Variants in NPAS3 observed in about 807,000 individuals in gnomAD.
NPAS3 encodes the protein neuronal PAS domain-containing protein 3.
NPAS3 carries 14 observed loss-of-function variants against 73.1 expected under a neutral mutation model. The ratio of observed to expected loss-of-function variants is 0.19; its 90% confidence interval spans 0.13 to 0.30. NPAS3 has a LOEUF of 0.30. NPAS3 is among the 10% of genes least tolerant of loss of function. The probability of loss-of-function intolerance (pLI) is 1.00; values close to 1 mark genes in which losing one functional copy is unlikely to be tolerated. For missense variants in NPAS3, 1,096 were observed against 1,250.0 expected, an observed-to-expected ratio of 0.88 and a Z score of 1.86; for synonymous variants, 620 against 541.5, an observed-to-expected ratio of 1.14 and a Z score of -2.01.
intron 4 of NPAS3, among the ~76,000 whole-genome samples, chr14:33,461,692 C>A (rs2050272415): frequency 6.6e-6 from 1 of 152,204 alleles, no homozygotes; most frequent in South Asian, 2.1e-4. Flanking sequence ...AGTTTGAAAT[C>A]TGACCTTGCA....
At chr14:33,418,048 G>C (rs2048222405) in intron 4 of NPAS3, among the ~76,000 whole-genome samples, 1 of 107,144 alleles carries the variant, frequency 9.3e-6, no homozygotes, top group South Asian at 3.0e-4. Flanking sequence ...AGCAATGCAG[G>C]ATTTTTTTTT....
chr14:33,262,709 A>G (rs1043414097), intron 3 of NPAS3, among the ~76,000 whole-genome samples: 36 of 152,232 alleles, frequency 2.4e-4, no homozygotes, highest in Admixed American at 3.3e-4. Flanking sequence ...TAAAAGAAAT[A>G]TTCCAAGAAA....
intron 6 of NPAS3, among the ~76,000 whole-genome samples, chr14:33,684,751 T>A (rs1159655410): frequency 1.3e-5 from 2 of 152,238 alleles, no homozygotes; most frequent in African/African-American, 2.4e-5. Context: ...ATCACCCGTG[T>A]ACACTTGGAC....
intron 6 of NPAS3, among the ~76,000 whole-genome samples, chr14:33,685,490 A>G (rs766804803): frequency 1.3e-5 from 2 of 151,772 alleles, no homozygotes; most frequent in Admixed American, 6.6e-5. Flanking sequence ...AAATTGCCTA[A>G]CACTGCTCCT....
At position 33,704,582 on chromosome 14, in the gene NPAS3, A is replaced by G. The variant is rs543774036; in HGVS notation, c.733+28197A>G. ...TTGTTTAAAATGAATGCTACCTGGTATAGTTTACATAACATGGCAGGGATC... is the reference window on the plus strand; with the variant it reads ...TTGTTTAAAATGAATGCTACCTGGTGTAGTTTACATAACATGGCAGGGATC... On this transcript the variant is annotated intron_variant, in intron 6 of 11. Coordinates refer to ENST00000356141, the Ensembl canonical transcript of NPAS3. 5.1e-4 allele frequency among the ~76,000 whole-genome samples: 78 copies of G among 152,364 alleles called. 1 individual carries two copies. Among genetic ancestry groups the G allele is most frequent in the Middle Eastern group, 3.4e-3 (1 of 294 alleles).
rs1197067789 is a variant in NPAS3, at chr14:33,500,646, C to G, written c.469-59475C>G. 2.6e-5 allele frequency among the ~76,000 whole-genome samples: 4 copies of G among 151,974 alleles called. No individual in the cohort carries two copies. In the South Asian group the frequency reaches 6.2e-4, roughly 24 times the overall value. ...AAACTTCTTTAGATATGATTCTTGTCTGGCTTGGATGTTTGTTACATCAGC... is the reference window on the plus strand; with the variant it reads ...AAACTTCTTTAGATATGATTCTTGTGTGGCTTGGATGTTTGTTACATCAGC... On this transcript the variant is annotated intron_variant, in intron 4 of 11. Coordinates refer to ENST00000356141, the Ensembl canonical transcript of NPAS3.
chr14:33,162,898 A>ACAATG (rs2044957747), intron 2 of NPAS3, among the ~76,000 whole-genome samples: 1 of 152,174 alleles, frequency 6.6e-6, no homozygotes, highest in South Asian at 2.1e-4. Context: ...GCATCGGTAG[A>ACAATG]CTTTGGACAA....
intron 5 of NPAS3, among the ~76,000 whole-genome samples, chr14:33,625,141 G>C (rs1195144806): frequency 6.6e-6 from 1 of 152,152 alleles, no homozygotes; most frequent in East Asian, 1.9e-4. Flanking sequence ...GGACCTAATT[G>C]GTGACCTTGG....
chr14:33,401,830 C>T (rs915334885), intron 4 of NPAS3, among the ~76,000 whole-genome samples: 5 of 152,024 alleles, frequency 3.3e-5, no homozygotes, highest in African/African-American at 9.7e-5. Context: ...CAAAGGCCTC[C>T]ATTGCTGGAG....
At chr14:33,423,604 A>G (rs150805699) in intron 4 of NPAS3, among the ~76,000 whole-genome samples, 24 of 152,130 alleles carry the variant, frequency 1.6e-4, no homozygotes, top group Non-Finnish European at 1.5e-5. Context: ...AAGGAGACAA[A>G]CGTACTTTAG....
At chr14:33,221,530 G>A (rs967632109) in intron 3 of NPAS3, among the ~76,000 whole-genome samples, 1 of 152,086 alleles carries the variant, frequency 6.6e-6, no homozygotes, top group Non-Finnish European at 1.5e-5. Flanking sequence ...GGGAAGCTGC[G>A]GTGAGAGGAT....
intron 5 of NPAS3, among the ~76,000 whole-genome samples, chr14:33,595,897 C>T (rs2057227831): frequency 6.6e-6 from 1 of 152,164 alleles, no homozygotes; most frequent in Non-Finnish European, 1.5e-5. Context: ...GTCTCGATCT[C>T]CTGACCTCGT....
chr14:33,208,456 A>G (rs2046911450), intron 2 of NPAS3, among the ~76,000 whole-genome samples: 1 of 152,180 alleles, frequency 6.6e-6, no homozygotes, highest in Non-Finnish European at 1.5e-5. Context: ...GAGGGAAGGC[A>G]TTCAGTTGAA....
chr14:33,277,754 A>G (rs962053063), intron 3 of NPAS3, among the ~76,000 whole-genome samples: 6 of 152,170 alleles, frequency 3.9e-5, no homozygotes, highest in Non-Finnish European at 5.9e-5. Context: ...TTGCTGGAGC[A>G]GAATGAGAAA....
intron 2 of NPAS3, among the ~76,000 whole-genome samples, chr14:33,194,643 A>G (rs2046286403): frequency 6.6e-6 from 1 of 152,206 alleles, no homozygotes; most frequent in South Asian, 2.1e-4. Context: ...TATAATAAGT[A>G]TTATTAGTAA....
At chr14:33,685,403 A>G (rs556149074) in intron 6 of NPAS3, among the ~76,000 whole-genome samples, 2 of 152,194 alleles carry the variant, frequency 1.3e-5, no homozygotes, top group African/African-American at 2.4e-5. Context: ...ATGCCCAAAC[A>G]TATCAAGACC....
intron 4 of NPAS3, among the ~76,000 whole-genome samples, chr14:33,392,734 A>G (rs957489087): frequency 3.3e-5 from 5 of 152,146 alleles, no homozygotes; most frequent in Non-Finnish European, 7.3e-5. Context: ...GAACAAATAC[A>G]GATTTTACAC....
intron 5 of NPAS3, among the ~76,000 whole-genome samples, chr14:33,576,924 A>G (rs2056460012): frequency 6.6e-6 from 1 of 152,208 alleles, no homozygotes; most frequent in Non-Finnish European, 1.5e-5. Context: ...CTTCTCTTTG[A>G]AAGAGATTTG....
At chr14:33,521,744 T>G (rs1394478642) in intron 4 of NPAS3, among the ~76,000 whole-genome samples, 16 of 152,114 alleles carry the variant, frequency 1.1e-4, no homozygotes, top group Admixed American at 1.0e-3. Context: ...ATAAGGGTAT[T>G]GTAGGTTAGC....
Sources: allele counts gnomAD v4.1 joint callset (sites outside exome capture counted in the v4.1 genomes callset), GRCh38; gene constraint gnomAD v4.1.1; transcripts MANE v1.5; gene names NCBI Gene and HGNC (gene_info 2026-07-23, HGNC 2026-07-21).